Variants in PTK2 observed in about 807,000 individuals in gnomAD.
PTK2 encodes the protein protein tyrosine kinase 2.
PTK2 carries 45 observed loss-of-function variants against 150.1 expected under a neutral mutation model. The ratio of observed to expected loss-of-function variants is 0.30; its 90% CI spans 0.24 to 0.38. PTK2 has a LOEUF of 0.38. Ranked by LOEUF, PTK2 falls within the 10% of genes least tolerant of loss-of-function variation. The probability of loss-of-function intolerance (pLI) is 1.00; values close to 1 mark genes in which losing one functional copy is unlikely to be tolerated. For missense variants in PTK2, 919 were observed against 1,307.3 expected, an observed-to-expected ratio of 0.70 and a Z score of 4.58; for synonymous variants, 432 against 449.2, an observed-to-expected ratio of 0.96 and a Z score of 0.48.
intron 31 of PTK2, among the ~76,000 whole-genome samples, chr8:140,663,971 A>C (rs1036990853): frequency 1.3e-5 from 2 of 152,144 alleles, no homozygotes; most frequent in African/African-American, 4.8e-5. Flanking sequence ...AGCTTCTTAA[A>C]GACATTCATT....
At chr8:140,833,666 G>C (rs1035776406) in intron 7 of PTK2, among the ~76,000 whole-genome samples, 3 of 152,166 alleles carry the variant, frequency 2.0e-5, no homozygotes, top group Admixed American at 6.5e-5. Context: ...CAACTGTCCT[G>C]TATGCGAATA....
chr8:140,751,881 G>C (rs773661099), intron 17 of PTK2: 4 of 526,954 alleles, frequency 7.6e-6, no homozygotes, highest in Non-Finnish European at 1.5e-5. Flanking sequence ...ATCAGGGCAG[G>C]GACTGTGTGT....
At chr8:140,988,927 T>C (rs1314895301) in intron 1 of PTK2, among the ~76,000 whole-genome samples, 1 of 152,028 alleles carries the variant, frequency 6.6e-6, no homozygotes, top group Non-Finnish European at 1.5e-5. Context: ...AAGTGAATTA[T>C]ACAGTTAAAG....
chr8:140,844,864 A>G (rs2100124413), intron 7 of PTK2, among the ~76,000 whole-genome samples: 2 of 152,150 alleles, frequency 1.3e-5, no homozygotes. Context: ...GAATGTTCCC[A>G]TAGAACTAAA....
intron 14 of PTK2, among the ~76,000 whole-genome samples, chr8:140,774,113 T>C (rs901263152): frequency 3.3e-5 from 5 of 152,214 alleles, no homozygotes; most frequent in African/African-American, 1.2e-4. Context: ...CAGGAAGCCT[T>C]TGAAAAATGA....
At chr8:140,737,251 C>A (rs146720502) in intron 21 of PTK2, among the ~76,000 whole-genome samples, 2 of 152,256 alleles carry the variant, frequency 1.3e-5, no homozygotes, top group East Asian at 3.9e-4. Context: ...TATCGGCATG[C>A]GCCACCCAAA....
chr8:140,766,071 C>A (rs895412369), intron 14 of PTK2, among the ~76,000 whole-genome samples: 1 of 152,158 alleles, frequency 6.6e-6, no homozygotes, highest in African/African-American at 2.4e-5. Context: ...CCTGCTGCAG[C>A]AGGATTTTGG....
At chr8:140,674,311 T>C (rs773045656) in exon 29 of PTK2, 24 of 1,605,524 alleles carry the variant, frequency 1.5e-5, no homozygotes, top group African/African-American at 6.7e-5. Flanking sequence ...GACACCCTCG[T>C]TGTAGCTGTC....
At chr8:140,852,902 T>C (rs527813398) in intron 5 of PTK2, among the ~76,000 whole-genome samples, 6 of 152,208 alleles carry the variant, frequency 3.9e-5, no homozygotes, top group African/African-American at 1.4e-4. Flanking sequence ...TCTTAGAAAC[T>C]AAACCCCTGA....
At chr8:140,891,264 A>G (rs1279201824) in intron 2 of PTK2, among the ~76,000 whole-genome samples, 2 of 152,216 alleles carry the variant, frequency 1.3e-5, no homozygotes, top group Non-Finnish European at 2.9e-5. Context: ...TCCCTGGCTT[A>G]ACCAATTCAT....
At chr8:140,702,128 CAAAAAAAAAAA>C (rs749591009) in intron 25 of PTK2, among the ~76,000 whole-genome samples, 1 of 42,714 alleles carries the variant, frequency 2.3e-5, no homozygotes, top group Non-Finnish European at 4.0e-5. Flanking sequence ...ACTCTGTCTC[CAAAAAAAAAAA>C]AAAAAAAAAA....
intron 4 of PTK2, among the ~76,000 whole-genome samples, chr8:140,875,519 C>G (rs1555291411): frequency 6.6e-6 from 1 of 152,128 alleles, no homozygotes; most frequent in Non-Finnish European, 1.5e-5. Context: ...GTGAGGTCAT[C>G]AGAAACTCCA....
intron 1 of PTK2, among the ~76,000 whole-genome samples, chr8:140,958,318 A>C (rs561891652): frequency 6.6e-6 from 1 of 151,660 alleles, no homozygotes; most frequent in African/African-American, 2.4e-5. Context: ...TCTTTTTTTT[A>C]ATTTTTTGTA....
intron 4 of PTK2, among the ~76,000 whole-genome samples, chr8:140,876,866 A>C (rs1367357073): frequency 3.3e-5 from 5 of 152,042 alleles, no homozygotes; most frequent in Non-Finnish European, 5.9e-5. Flanking sequence ...TATTTTTGAT[A>C]GTCTCCTTTT....
At chr8:140,759,798 G>T (rs78613108) in intron 16 of PTK2, among the ~76,000 whole-genome samples, 3 of 151,958 alleles carry the variant, frequency 2.0e-5, no homozygotes, top group Non-Finnish European at 2.9e-5. Flanking sequence ...AGCCATGATT[G>T]CGTCACTGCA....
intron 30 of PTK2, among the ~76,000 whole-genome samples, chr8:140,665,711 C>T (rs1262957260): frequency 6.6e-6 from 1 of 152,050 alleles, no homozygotes; most frequent in Non-Finnish European, 1.5e-5. Context: ...ATGATAGTTA[C>T]TTATAATTGG....
At chr8:140,970,681 G>C (rs955792684) in intron 1 of PTK2, among the ~76,000 whole-genome samples, 47 of 152,182 alleles carry the variant, frequency 3.1e-4, no homozygotes, top group African/African-American at 1.1e-3. Context: ...CAGGTCCCCT[G>C]CTTCTAACCT....
At chr8:140,960,195 T>C (rs1238443216) in intron 1 of PTK2, among the ~76,000 whole-genome samples, 16 of 43,780 alleles carry the variant, frequency 3.7e-4, no homozygotes, top group African/African-American at 7.4e-4. Context: ...AACTTTTTTT[T>C]TTTTTTTTTT....
Position 140,875,894 on chromosome 8 carries a change from C to T in PTK2, c.362+3577G>A, listed in dbSNP as rs548072363. On this transcript the variant is annotated intron_variant, in intron 4 of 31. Coordinates refer to ENST00000522684, the Ensembl canonical transcript of PTK2. ...ACAGTTCAGAAAGGCTATGAATGGT[C>T]AATGAAGGAAAACCAAAGCAGTTTG... 1.6e-4 allele frequency among the ~76,000 whole-genome samples: 24 copies of T among 152,034 alleles called. No individual in the cohort carries two copies. The East Asian group carries it at 4.1e-3, about 26-fold the overall frequency.
Sources: allele counts gnomAD v4.1 joint callset (sites outside exome capture counted in the v4.1 genomes callset), GRCh38; gene constraint gnomAD v4.1.1; transcripts MANE v1.5; gene names NCBI Gene and HGNC (gene_info 2026-07-23, HGNC 2026-07-21).